ZC3H3: variants seen among roughly 807,000 people sequenced by gnomAD.
The protein encoded by ZC3H3 is zinc finger CCCH-type containing 3, also known as zinc finger CCCH domain-containing protein 3.
A neutral mutation model predicts 77.3 loss-of-function variants in ZC3H3; 36 were observed. The ratio of observed to expected loss-of-function variants is 0.47; its 90% CI spans 0.36 to 0.61. The LOEUF is 0.61. Ranked by LOEUF, ZC3H3 falls within the 20% of genes least tolerant of loss-of-function variation. The pLI is 0.00. For missense variants in ZC3H3, 1,331 were observed against 1,312.2 expected, an observed-to-expected ratio of 1.01 and a Z score of -0.22; for synonymous variants, 626 against 555.2, an observed-to-expected ratio of 1.13 and a Z score of -1.79.
At chr8:143,529,247 G>T (rs565827365) in intron 3 of ZC3H3, among the ~76,000 whole-genome samples, 1 of 147,074 alleles carries the variant, frequency 6.8e-6, no homozygotes, top group Non-Finnish European at 1.5e-5. Flanking sequence ...ACCGGGAGAA[G>T]CCGCTGGGGA....
intron 9 of ZC3H3, among the ~76,000 whole-genome samples, chr8:143,455,649 G>A (rs1441315250): frequency 6.6e-6 from 1 of 152,102 alleles, no homozygotes; most frequent in Non-Finnish European, 1.5e-5. Flanking sequence ...AAAAGTTAGG[G>A]CTACAGTGTG....
rs143593029 is a variant in ZC3H3, at chr8:143,533,551, G to A, written c.1561+2706C>T. 2.2e-3 allele frequency among the ~76,000 whole-genome samples: 340 copies of A among 152,272 alleles called. No homozygotes were observed. Among genetic ancestry groups the A allele is most frequent in the African/African-American group, 4.2e-3 (175 of 41,556 alleles). ...CTTCACTGCAGTATCCCCAGGAGCC[G>A]GCAGGCTGCCAGGCACAGTGACTCA... On this transcript the variant is annotated intron_variant, in intron 3 of 11. Coordinates refer to ENST00000262577, the MANE Select transcript of ZC3H3 (RefSeq NM_015117.3). The surrounding 1 kb of genome is among the most constrained non-coding windows in gnomAD (Gnocchi z 4.0).
chr8:143,497,045 G>C (rs744781), intron 4 of ZC3H3, among the ~76,000 whole-genome samples: 68,188 of 152,168 alleles, frequency 0.45, 16,416 homozygotes, highest in East Asian at 0.68. Context: ...TTTATAAAGG[G>C]AGAGAAAGCA....
intron 3 of ZC3H3, among the ~76,000 whole-genome samples, chr8:143,529,099 C>T (rs1009681268): frequency 6.6e-6 from 1 of 152,228 alleles, no homozygotes; most frequent in African/African-American, 2.4e-5. Flanking sequence ...AAACTGTGCA[C>T]ACCTAAGGGT....
chr8:143,475,262 C>T, intron 5 of ZC3H3, 136 bp downstream of exon 5: 2 of 1,104,254 alleles, frequency 1.8e-6, no homozygotes, highest in South Asian at 1.7e-5. Context: ...CCCCTGACCT[C>T]CTCCCCAAGA....
At chr8:143,529,433 G>A (rs778130583) in intron 3 of ZC3H3, among the ~76,000 whole-genome samples, 44 of 152,306 alleles carry the variant, frequency 2.9e-4, no homozygotes, top group South Asian at 1.2e-3. Flanking sequence ...CCAAGGCACC[G>A]GGAGGCAACA....
intron 1 of ZC3H3, among the ~76,000 whole-genome samples, chr8:143,540,172 T>A (rs1293585956): frequency 2.0e-5 from 3 of 152,240 alleles, no homozygotes; most frequent in Non-Finnish European, 4.4e-5. Context: ...CCTTAAGTCT[T>A]CCCTTTGTGA....
At chr8:143,541,036 C>T (rs1204033861) in intron 1 of ZC3H3, among the ~76,000 whole-genome samples, 1 of 152,242 alleles carries the variant, frequency 6.6e-6, no homozygotes, top group African/African-American at 2.4e-5. Flanking sequence ...CTAGTCCCAG[C>T]CCCGCAGTGG....
Position 143,497,611 on chromosome 8 carries a change from T to C in ZC3H3, c.1715+10135A>G, listed in dbSNP as rs528753044. 7.4e-4 allele frequency among the ~76,000 whole-genome samples: 112 copies of C among 152,040 alleles called. 2 individuals are homozygous for C. The South Asian group carries it at 0.019, about 26-fold the overall frequency. On this transcript the variant is annotated intron_variant, in intron 4 of 11. Transcript: ENST00000262577. ...CCAAGGTCTCAGTGGAGTCCTGGAGTAGGCAGAGCACAGACGCAATGCTGC... is the reference window on the plus strand; with the variant it reads ...CCAAGGTCTCAGTGGAGTCCTGGAGCAGGCAGAGCACAGACGCAATGCTGC...
chr8:143,497,523 C>T (rs1821386720), intron 4 of ZC3H3, among the ~76,000 whole-genome samples: 1 of 152,226 alleles, frequency 6.6e-6, no homozygotes, highest in Non-Finnish European at 1.5e-5. Context: ...GGACCAGCAC[C>T]GCCTGCCCCT....
At chr8:143,438,959 C>G (rs1270838764) in intron 11 of ZC3H3, among the ~76,000 whole-genome samples, 1 of 152,224 alleles carries the variant, frequency 6.6e-6, no homozygotes, top group African/African-American at 2.4e-5. Flanking sequence ...CTGTCCCAGG[C>G]ACCTCCACCT....
At chr8:143,508,701 G>T (rs1270837366) in intron 3 of ZC3H3, among the ~76,000 whole-genome samples, 1 of 152,038 alleles carries the variant, frequency 6.6e-6, no homozygotes, top group Non-Finnish European at 1.5e-5. Flanking sequence ...CAAGGCTCAG[G>T]GGCTGCTGCA....
chr8:143,483,198 A>G (rs371104), intron 4 of ZC3H3, among the ~76,000 whole-genome samples: 152,115 of 152,390 alleles, frequency 1, 75,920 homozygotes, highest in East Asian at 1. Context: ...GAGCTGCGCC[A>G]TGACAGGCAC....
intron 3 of ZC3H3, among the ~76,000 whole-genome samples, chr8:143,531,649 T>G (rs543194406): frequency 4.6e-5 from 7 of 152,246 alleles, no homozygotes; most frequent in Non-Finnish European, 1.0e-4. Context: ...TTCCTCCTGT[T>G]TATGCCTCTC....
chr8:143,481,188 C>A (rs775642077), intron 4 of ZC3H3, among the ~76,000 whole-genome samples: 4 of 152,280 alleles, frequency 2.6e-5, no homozygotes, highest in East Asian at 3.9e-4. Context: ...TGGGCCTCTC[C>A]GGAGCACCTC....
At chr8:143,458,454 A>G (rs573947085) in intron 9 of ZC3H3, among the ~76,000 whole-genome samples, 32 of 139,170 alleles carry the variant, frequency 2.3e-4, no homozygotes, top group African/African-American at 8.4e-4. Context: ...AGCTGGGCGC[A>G]GTGGCTCACG....
intron 4 of ZC3H3, among the ~76,000 whole-genome samples, chr8:143,501,405 T>C (rs1426483921): frequency 1.3e-5 from 2 of 151,898 alleles, no homozygotes; most frequent in East Asian, 2.0e-4. Context: ...GGTCTCACCA[T>C]GTTGCCCGAG....
chr8:143,535,763 G>A (rs1174404268), intron 3 of ZC3H3, among the ~76,000 whole-genome samples: 1 of 151,126 alleles, frequency 6.6e-6, no homozygotes, highest in Non-Finnish European at 1.5e-5. Flanking sequence ...GGCACACTTA[G>A]AGTGGTACAG....
At chr8:143,532,258 T>C (rs1416039308) in intron 3 of ZC3H3, among the ~76,000 whole-genome samples, 2 of 152,226 alleles carry the variant, frequency 1.3e-5, no homozygotes, top group African/African-American at 2.4e-5. Flanking sequence ...ACGGAGGCGA[T>C]AGGAGGGGCA....
Sources: gnomAD v4.1 joint callset for allele counts (sites outside exome capture counted in the v4.1 genomes callset) on GRCh38, gnomAD v4.1.1 for gene constraint, Gnocchi (gnomAD v3.1) non-coding constraint, MANE v1.5 for transcripts, NCBI Gene and HGNC (gene_info 2026-07-23, HGNC 2026-07-21) for gene names.